Variants in LRGUK observed in about 807,000 individuals in gnomAD.
LRGUK encodes the protein leucine-rich repeat and guanylate kinase domain-containing protein.
In LRGUK, 65 loss-of-function variants were observed where a neutral mutation model predicts 76.0. The observed-to-expected ratio is 0.85, with a 90% CI of 0.70 to 1.05. The LOEUF (loss-of-function observed/expected upper bound fraction) is 1.05, where lower values mean the gene tolerates loss of function less well. Among genes scored for constraint, LRGUK ranks in the 50% least tolerant of loss-of-function variants. The pLI, the probability that LRGUK is intolerant of heterozygous loss-of-function variation, is 0.00. For synonymous variants in LRGUK, 268 were observed against 265.6 expected, an observed-to-expected ratio of 1.01 and a Z score of -0.09; for missense variants, 758 against 732.8, an observed-to-expected ratio of 1.03 and a Z score of -0.40.
chr7:134,219,104 G>A (rs1801511091), intron 15 of LRGUK, among the ~76,000 whole-genome samples: 1 of 152,100 alleles, frequency 6.6e-6, no homozygotes, highest in Admixed American at 6.5e-5. Context: ...TAGATAGCTT[G>A]AATAAAATCA....
At chr7:134,227,074 G>A (rs1348955897) in intron 16 of LRGUK, among the ~76,000 whole-genome samples, 1 of 152,048 alleles carries the variant, frequency 6.6e-6, no homozygotes, top group Non-Finnish European at 1.5e-5. Flanking sequence ...AGGGATCAGA[G>A]AATAAACAGA....
At chr7:134,245,650 T>C (rs1802281955) in intron 16 of LRGUK, among the ~76,000 whole-genome samples, 1 of 152,198 alleles carries the variant, frequency 6.6e-6, no homozygotes, top group South Asian at 2.1e-4. Context: ...ACTACCACTG[T>C]CATCTTCTCA....
chr7:134,209,754 G>T, exon 16 of LRGUK: 2 of 399,832 alleles, frequency 5.0e-6, no homozygotes, highest in Non-Finnish European at 8.8e-6. Flanking sequence ...CCAAATCTGA[G>T]CCCCCAGGCA....
chr7:134,173,707 G>T (rs1799357345), intron 7 of LRGUK, among the ~76,000 whole-genome samples: 1 of 151,940 alleles, frequency 6.6e-6, no homozygotes, highest in African/African-American at 2.4e-5. Context: ...GTTAGCTAAA[G>T]AGTTCAAGGT....
chr7:134,174,810 A>AT (rs571471419), intron 8 of LRGUK, among the ~76,000 whole-genome samples, 174 bp downstream of exon 8: 50 of 150,618 alleles, frequency 3.3e-4, no homozygotes, highest in African/African-American at 6.1e-4. Context: ...TAAAGTGACA[A>AT]TTTTTTTTTT....
chr7:134,173,614 T>C (rs1222476741), intron 7 of LRGUK, among the ~76,000 whole-genome samples: 1 of 151,524 alleles, frequency 6.6e-6, no homozygotes, highest in African/African-American at 2.4e-5. Context: ...CAAGCAATCT[T>C]TTTTTTTTCT....
At chr7:134,140,158 T>C (rs768682812) in intron 3 of LRGUK, among the ~76,000 whole-genome samples, 24 of 151,870 alleles carry the variant, frequency 1.6e-4, no homozygotes, top group Admixed American at 9.2e-4. Flanking sequence ...CTAGTAGAGA[T>C]AGGGTTTCGT....
At chr7:134,265,040 C>A (rs535597544), downstream of LRGUK, among the ~76,000 whole-genome samples, 2 of 152,132 alleles carry the variant, frequency 1.3e-5, no homozygotes, top group African/African-American at 4.8e-5. Flanking sequence ...GATTAAAGTT[C>A]CTTTCTTGGG....
intron 15 of LRGUK, among the ~76,000 whole-genome samples, chr7:134,202,357 G>A (rs1356621549): frequency 6.6e-6 from 1 of 152,100 alleles, no homozygotes; most frequent in Non-Finnish European, 1.5e-5. Flanking sequence ...TGGCAAGGAT[G>A]TGGAGAAATT....
At chr7:134,127,768 C>G (rs558530423) in intron 1 of LRGUK, 104 bp downstream of exon 1, 3 of 1,308,204 alleles carry the variant, frequency 2.3e-6, no homozygotes, top group African/African-American at 3.0e-5. Context: ...GCTTCCCACA[C>G]CTTCTCAGGC....
chr7:134,262,885 C>G (rs1165493741), intron 19 of LRGUK, among the ~76,000 whole-genome samples: 1 of 144,188 alleles, frequency 6.9e-6, no homozygotes, highest in East Asian at 2.2e-4. Context: ...GCATGAGAAT[C>G]ATTTGAACCC....
chr7:134,257,131 C>G (rs991079630), intron 18 of LRGUK, among the ~76,000 whole-genome samples: 1 of 152,170 alleles, frequency 6.6e-6, no homozygotes. Context: ...AAATTTCACT[C>G]AGTAAATTTC....
intron 12 of LRGUK, among the ~76,000 whole-genome samples, chr7:134,196,697 A>G (rs1800498735): frequency 6.6e-6 from 1 of 152,182 alleles, no homozygotes; most frequent in South Asian, 2.1e-4. Flanking sequence ...GGAAGTGGGT[A>G]AGTAAACAAA....
chr7:134,259,867 G>C (rs370080594), intron 19 of LRGUK, among the ~76,000 whole-genome samples: 2 of 152,218 alleles, frequency 1.3e-5, no homozygotes, highest in African/African-American at 4.8e-5. Context: ...TAGCACCAAG[G>C]CTCATCATAG....
intron 15 of LRGUK, among the ~76,000 whole-genome samples, chr7:134,203,333 C>A (rs923088856): frequency 1.3e-5 from 2 of 152,116 alleles, no homozygotes; most frequent in Non-Finnish European, 2.9e-5. Flanking sequence ...AACCTGAGAC[C>A]CTGGCTGCTT....
At chr7:134,145,125 G>A (rs1332972100) in intron 4 of LRGUK, among the ~76,000 whole-genome samples, 1 of 152,128 alleles carries the variant, frequency 6.6e-6, no homozygotes, top group Non-Finnish European at 1.5e-5. Flanking sequence ...AAATATATTG[G>A]TCATTTTAGA....
chr7:134,183,426 A>G (rs1448449926), intron 10 of LRGUK, among the ~76,000 whole-genome samples: 1 of 152,108 alleles, frequency 6.6e-6, no homozygotes, highest in Non-Finnish European at 1.5e-5. Flanking sequence ...TATTTCTTTC[A>G]TTGATCAGTT....
intron 16 of LRGUK, among the ~76,000 whole-genome samples, chr7:134,231,135 C>A (rs563186447): frequency 6.6e-6 from 1 of 152,150 alleles, no homozygotes; most frequent in Non-Finnish European, 1.5e-5. Context: ...CACCCAGAGT[C>A]CAACTTGATG....
chr7:134,129,389 CT>C, intron 1 of LRGUK, among the ~76,000 whole-genome samples: 1 of 17,636 alleles, frequency 5.7e-5, no homozygotes, highest in Non-Finnish European at 1.1e-4. Flanking sequence ...CTTTCCTCCC[CT>C]CCCCTCCCCT....
Sources: gnomAD v4.1 joint callset for allele counts (sites outside exome capture counted in the v4.1 genomes callset) on GRCh38, gnomAD v4.1.1 for gene constraint, MANE v1.5 for transcripts, NCBI Gene and HGNC (gene_info 2026-07-23, HGNC 2026-07-21) for gene names.